Variants in INPP4A observed in about 807,000 individuals in gnomAD.
INPP4A encodes inositol polyphosphate-4-phosphatase type I A.
In INPP4A, 33 loss-of-function variants were observed where a neutral mutation model predicts 119.8. That is an observed-to-expected ratio of 0.28 (90% CI 0.21 to 0.37). The LOEUF (loss-of-function observed/expected upper bound fraction) is 0.37. INPP4A is among the 10% of genes least tolerant of loss of function. The pLI, the probability that INPP4A is intolerant of heterozygous loss-of-function variation, is 1.00. For synonymous variants in INPP4A, 496 were observed against 500.7 expected (o/e 0.99, Z 0.12); for missense variants, 956 against 1,289.9 (o/e 0.74, Z 3.97).
At chr2:98,502,913 G>C (rs958428643) in intron 1 of INPP4A, among the ~76,000 whole-genome samples, 1 of 152,108 alleles carries the variant, frequency 6.6e-6, no homozygotes, top group African/African-American at 2.4e-5. Context: ...TTGAGTTATT[G>C]GATTTTATTT....
intron 1 of INPP4A, among the ~76,000 whole-genome samples, chr2:98,497,023 G>A (rs1280960391): frequency 6.6e-6 from 1 of 152,190 alleles, no homozygotes; most frequent in African/African-American, 2.4e-5. Context: ...GGTCAGATAT[G>A]GGGAGGAAAG....
At chr2:98,558,505 T>C (rs1694889135) in intron 16 of INPP4A, among the ~76,000 whole-genome samples, 1 of 152,188 alleles carries the variant, frequency 6.6e-6, no homozygotes, top group African/African-American at 2.4e-5. Context: ...CCTTTGCCAG[T>C]TTGAAAAGTC....
At chr2:98,505,379 G>T (rs1245366369) in intron 1 of INPP4A, among the ~76,000 whole-genome samples, 1 of 152,158 alleles carries the variant, frequency 6.6e-6, no homozygotes, top group East Asian at 1.9e-4. Flanking sequence ...TCCCATGTGG[G>T]GCCTGACTTT....
intron 19 of INPP4A, 68 bp downstream of exon 19, chr2:98,564,831 A>G (rs1056093681): frequency 1.1e-5 from 16 of 1,482,342 alleles, no homozygotes; most frequent in Non-Finnish European, 1.4e-5. Context: ...CTTGCTAGGC[A>G]CTTTTCTCAC....
At chr2:98,514,516 C>T (rs1471248897) in intron 1 of INPP4A, among the ~76,000 whole-genome samples, 2 of 152,114 alleles carry the variant, frequency 1.3e-5, no homozygotes, top group African/African-American at 4.8e-5. Flanking sequence ...AATTTACAGT[C>T]TTCCACCCTC....
intron 20 of INPP4A, 79 bp downstream of exon 20, chr2:98,565,845 A>AT: frequency 1.9e-6 from 3 of 1,565,426 alleles, no homozygotes; most frequent in Admixed American, 2.0e-5. Context: ...ACTCTTCTGA[A>AT]TTTTTTATCC....
chr2:98,554,180 C>T lies in INPP4A; in HGVS notation c.1348-91C>T, dbSNP rs578188862. 1.0e-6 allele frequency: 1 copy of T among 982,576 alleles called. No individual in the cohort carries two copies. The highest frequency in any genetic ancestry group is 1.6e-5 in the African/African-American group (1 of 61,702). The allele number at this position is 982,576 out of a possible 1,614,324, so 60.9% of individuals were successfully genotyped here. ...AAAGGCAGAGGGGTGCAGTGCTGGG[C>T]TTTAAGCCCATTCTCCATTTCTGAG... is the stretch of plus-strand genomic sequence containing the variant. On this transcript the variant is annotated intron_variant, in intron 14 of 24. Coordinates refer to ENST00000409851, the MANE Select transcript of INPP4A (RefSeq NM_001134225.2). The surrounding 1 kb of genome is among the most constrained non-coding windows in gnomAD (Gnocchi z 4.7).
chr2:98,490,963 A>G (rs1680609366), intron 1 of INPP4A, among the ~76,000 whole-genome samples: 1 of 152,168 alleles, frequency 6.6e-6, no homozygotes, highest in African/African-American at 2.4e-5. Context: ...TTTTAATGAT[A>G]GCATTTTAAT....
chr2:98,554,556 C>T lies in INPP4A; in HGVS notation c.1566+67C>T. ...GGCTGAAAACCACAAAACCTGTTGC[C>T]AGTCTCTGCCCCTCTGAAGTGCCTC... On this transcript the variant is annotated intron_variant, in intron 15 of 24. Transcript: ENST00000409851. The surrounding 1 kb of genome is among the most constrained non-coding windows in gnomAD (Gnocchi z 4.7). 1.4e-6 allele frequency: 2 copies of T among 1,384,446 alleles called. No individual in the cohort carries two copies. Among genetic ancestry groups the T allele is most frequent in the Non-Finnish European group, 2.0e-6 (2 of 1,001,128 alleles). The allele number at this position is 1,384,446 out of a possible 1,614,324, so 85.8% of individuals were successfully genotyped here. A position where few individuals can be genotyped will look rare whatever the true frequency, so the allele number is the denominator to read the frequency against.
rs78465026 is a variant in INPP4A, at chr2:98,554,860, A to G, written c.1566+371A>G. Among the ~76,000 whole-genome samples the G allele has an allele frequency of 6.5e-3, 996 of 152,262 alleles. 17 individuals are homozygous for G. The highest frequency in any genetic ancestry group is 0.022 in the African/African-American group (933 of 41,558). On this transcript the variant is annotated intron_variant, in intron 15 of 24. Coordinates refer to ENST00000409851, the MANE Select transcript of INPP4A (RefSeq NM_001134225.2). This position sits in a 1 kb window ranked among gnomAD's most constrained non-coding sequence, Gnocchi z 4.7. ...GTTTGCTGTTAGATTTTCCAGGGCTATGTGTATTTGGGGACGTGGGAGCTC... is the reference window on the plus strand; with the variant it reads ...GTTTGCTGTTAGATTTTCCAGGGCTGTGTGTATTTGGGGACGTGGGAGCTC...
Position 98,590,449 on chromosome 2 carries a change from G to T in INPP4A, c.*2841G>T, listed in dbSNP as rs140126205. On this transcript the variant is annotated 3_prime_UTR_variant, in exon 25 of 25. Transcript: ENST00000409851. ...TGAGCAAGTTGCTTGACCTCTCCAAGCCTCCGTTTCCTCATGTGCAAAGTG... is the reference window on the plus strand; with the variant it reads ...TGAGCAAGTTGCTTGACCTCTCCAATCCTCCGTTTCCTCATGTGCAAAGTG... 3.6e-4 allele frequency: 68 copies of T among 189,072 alleles called. 2 individuals carry two copies. The highest frequency in any genetic ancestry group is 1.2e-3 in the Admixed American group (19 of 16,200). 11.7% of individuals were successfully genotyped at this position (189,072 alleles called of 1,614,324 possible). A position where few individuals can be genotyped will look rare whatever the true frequency, so the allele number is the denominator to read the frequency against.
chr2:98,504,222 C>T (rs1284470312), intron 1 of INPP4A, among the ~76,000 whole-genome samples: 2 of 152,190 alleles, frequency 1.3e-5, no homozygotes, highest in African/African-American at 4.8e-5. Context: ...AGAACCCTCT[C>T]TCCAGGAAGG....
chr2:98,455,437 C>T (rs570913875), intron 1 of INPP4A, among the ~76,000 whole-genome samples: 8 of 152,204 alleles, frequency 5.3e-5, no homozygotes, highest in Admixed American at 3.9e-4. Context: ...GCCTTAGGGA[C>T]GACACCTTGC....
In INPP4A at chr2:98,462,524, A is replaced by G. The variant is rs186856586; in HGVS notation, c.-166+17439A>G. Among the ~76,000 whole-genome samples the G allele has an allele frequency of 2.0e-5, 3 of 151,886 alleles. No homozygotes were observed. The East Asian group carries it at 5.8e-4, about 29-fold the overall frequency. ...TACACACAGACCTTTTATTTTTTTA[A>G]TTATTATTGTTTTTTTTTTGAGACA... On this transcript the variant is annotated intron_variant, in intron 1 of 24. Coordinates refer to ENST00000409851, the MANE Select transcript of INPP4A (RefSeq NM_001134225.2).
intron 4 of INPP4A, among the ~76,000 whole-genome samples, chr2:98,525,946 T>C (rs1400249258): frequency 6.6e-6 from 1 of 152,248 alleles, no homozygotes; most frequent in Admixed American, 6.5e-5. Context: ...AAATATATTT[T>C]AGTTGTATGT....
chr2:98,481,283 G>T (rs1678389611), intron 1 of INPP4A, among the ~76,000 whole-genome samples: 1 of 152,138 alleles, frequency 6.6e-6, no homozygotes, highest in Admixed American at 6.6e-5. Flanking sequence ...TGTGGACCTG[G>T]TGTGATCCTG....
At chr2:98,465,618 T>C (rs377678809) in intron 1 of INPP4A, among the ~76,000 whole-genome samples, 25 of 152,174 alleles carry the variant, frequency 1.6e-4, no homozygotes, top group African/African-American at 5.8e-4. Context: ...ATGAGGAAGC[T>C]GAGGCTTGGG....
intron 1 of INPP4A, among the ~76,000 whole-genome samples, chr2:98,484,732 C>T (rs1396986007): frequency 6.6e-6 from 1 of 152,240 alleles, no homozygotes; most frequent in African/African-American, 2.4e-5. Context: ...CTCTCCCACT[C>T]CGCGTGAGTG....
intron 1 of INPP4A, among the ~76,000 whole-genome samples, chr2:98,499,585 T>C (rs1682700287): frequency 6.6e-6 from 1 of 152,210 alleles, no homozygotes; most frequent in Non-Finnish European, 1.5e-5. Context: ...GCTTACTTAT[T>C]TTCTCCCTTT....
Sources: allele counts gnomAD v4.1 joint callset (sites outside exome capture counted in the v4.1 genomes callset), GRCh38; gene constraint gnomAD v4.1.1; non-coding constraint Gnocchi (gnomAD v3.1); transcripts MANE v1.5; gene names NCBI Gene and HGNC (gene_info 2026-07-23, HGNC 2026-07-21).